The following AGPAT5 variants were observed in gnomAD, a reference collection of about 807,000 sequenced individuals.
AGPAT5 encodes the protein 1-acylglycerol-3-phosphate O-acyltransferase 5.
In AGPAT5, 46 loss-of-function variants were observed where a neutral mutation model predicts 45.6. The observed-to-expected ratio is 1.01, with a 90% CI of 0.80 to 1.29. AGPAT5 has a LOEUF of 1.29. Ranked by LOEUF, AGPAT5 falls within the 50% of genes most tolerant of loss-of-function variation. The pLI, the probability that AGPAT5 is intolerant of heterozygous loss-of-function variation, is 0.00. For synonymous variants in AGPAT5, 272 were observed against 167.0 expected, an observed-to-expected ratio of 1.63 and a Z score of -4.85; for missense variants, 673 against 450.7, an observed-to-expected ratio of 1.49 and a Z score of -4.47.
At chr8:6,717,169 T>C (rs1344421250) in intron 1 of AGPAT5, among the ~76,000 whole-genome samples, 4 of 152,212 alleles carry the variant, frequency 2.6e-5, no homozygotes, top group Admixed American at 6.5e-5. Flanking sequence ...CCAGTACTTT[T>C]TGTAATTTTT....
At position 6,709,047 on chromosome 8, in the gene AGPAT5, T is replaced by C. The variant is rs762378350; in HGVS notation, c.219+160T>C. On this transcript the variant is annotated intron_variant, in intron 1 of 7. Coordinates refer to ENST00000285518, the MANE Select transcript of AGPAT5 (RefSeq NM_018361.5). ...CCCGCCTTCCTCTCCGCATGCTTCC[T>C]GCCGTTCTGCCGAGATCGCTCTCTA... 1.5e-5 allele frequency: 11 copies of C among 757,652 alleles called. 1 individual carries two copies. The highest frequency in any genetic ancestry group is 2.2e-4 in the Middle Eastern group (1 of 4,492). 46.9% of individuals were successfully genotyped at this position (757,652 alleles called of 1,614,324 possible).
At chr8:6,747,223 C>T (rs1362759758) in intron 5 of AGPAT5, among the ~76,000 whole-genome samples, 2 of 152,220 alleles carry the variant, frequency 1.3e-5, no homozygotes. Flanking sequence ...CTGAGTCCTG[C>T]AGCCACACAG....
intron 1 of AGPAT5, among the ~76,000 whole-genome samples, chr8:6,718,230 T>G (rs554580826): frequency 1.3e-5 from 2 of 152,200 alleles, no homozygotes; most frequent in African/African-American, 2.4e-5. Context: ...AGAAAGAACT[T>G]TGTGGCCTTC....
chr8:6,749,526 G>A (rs1801586255), intron 6 of AGPAT5, among the ~76,000 whole-genome samples: 1 of 152,084 alleles, frequency 6.6e-6, no homozygotes, highest in African/African-American at 2.4e-5. Flanking sequence ...CTGCTACCTG[G>A]CCTTCCCTTC....
chr8:6,723,226 G>T (rs2116876040), intron 1 of AGPAT5, among the ~76,000 whole-genome samples: 1 of 152,314 alleles, frequency 6.6e-6, no homozygotes, highest in Middle Eastern at 3.4e-3. Context: ...TCTTGGGGTA[G>T]AAAACTGATC....
At chr8:6,726,475 C>G (rs980844726) in intron 2 of AGPAT5, among the ~76,000 whole-genome samples, 5 of 152,168 alleles carry the variant, frequency 3.3e-5, no homozygotes, top group African/African-American at 1.2e-4. Context: ...ATAGAGCTCT[C>G]TAGTAGTGAC....
rs201844845 is a variant in AGPAT5, at chr8:6,730,674, G to T, written c.290-37G>T. The T allele has an allele frequency of 7.8e-6, 11 of 1,417,254 alleles. No individual in the cohort carries two copies. In the East Asian group the frequency reaches 2.3e-4, roughly 29 times the overall value. The allele number at this position is 1,417,254 out of a possible 1,614,324, so 87.8% of individuals were successfully genotyped here. On this transcript the variant is annotated intron_variant, in intron 2 of 7. Transcript: ENST00000285518. The stretch of plus-strand genomic sequence containing the variant: ...CCATTCATAGTACAACCTGTGAAGA[G>T]CCTCATGTACGCGCTAACTGGGTCC...
At chr8:6,713,074 C>A (rs1002636070) in intron 1 of AGPAT5, among the ~76,000 whole-genome samples, 2 of 152,160 alleles carry the variant, frequency 1.3e-5, no homozygotes, top group Admixed American at 1.3e-4. Context: ...CTCATTGCAG[C>A]CTTGAATGCC....
At chr8:6,739,459 C>T (rs1354042600) in intron 4 of AGPAT5, among the ~76,000 whole-genome samples, 1 of 151,998 alleles carries the variant, frequency 6.6e-6, no homozygotes, top group Non-Finnish European at 1.5e-5. Context: ...TTATTTATCT[C>T]AGTGTGTTTT....
At chr8:6,756,811 T>G (rs958314776) in intron 7 of AGPAT5, among the ~76,000 whole-genome samples, 1 of 152,076 alleles carries the variant, frequency 6.6e-6, no homozygotes, top group African/African-American at 2.4e-5. Context: ...GAATAGGAGC[T>G]CCATGTAAAA....
intron 4 of AGPAT5, among the ~76,000 whole-genome samples, chr8:6,733,236 G>A (rs1011986363): frequency 6.6e-6 from 1 of 152,160 alleles, no homozygotes; most frequent in African/African-American, 2.4e-5. Context: ...CATGATCACC[G>A]GGGCGACTTG....
chr8:6,739,738 C>G (rs575867807), intron 4 of AGPAT5, among the ~76,000 whole-genome samples: 5 of 152,000 alleles, frequency 3.3e-5, no homozygotes, highest in African/African-American at 9.6e-5. Context: ...ATCTTGATGG[C>G]TTTTATTTCT....
intron 1 of AGPAT5, chr8:6,709,103 C>A (rs1205543971): frequency 4.9e-6 from 3 of 611,990 alleles, no homozygotes; most frequent in East Asian, 2.9e-5. Context: ...CCTGAGGCTA[C>A]GAGTGGGACC....
At chr8:6,723,080 G>A (rs1800562062) in intron 1 of AGPAT5, among the ~76,000 whole-genome samples, 1 of 152,132 alleles carries the variant, frequency 6.6e-6, no homozygotes, top group African/African-American at 2.4e-5. Context: ...AAAAGTCACT[G>A]GTGCACTTTA....
At chr8:6,754,590 C>T (rs925687556) in intron 6 of AGPAT5, among the ~76,000 whole-genome samples, 4 of 152,138 alleles carry the variant, frequency 2.6e-5, no homozygotes, top group Non-Finnish European at 4.4e-5. Context: ...GACCAGCTTC[C>T]TCTCGGCCCC....
chr8:6,727,680 C>G (rs1483649854), intron 2 of AGPAT5, among the ~76,000 whole-genome samples: 1 of 152,334 alleles, frequency 6.6e-6, no homozygotes, highest in East Asian at 1.9e-4. Flanking sequence ...TGTGCCCTGC[C>G]TGCTATTTGC....
intron 4 of AGPAT5, among the ~76,000 whole-genome samples, chr8:6,739,418 C>T (rs947154515): frequency 2.0e-5 from 3 of 151,990 alleles, no homozygotes; most frequent in African/African-American, 2.4e-5. Flanking sequence ...GATTCATGAA[C>T]GTAGCCTGCA....
At chr8:6,716,963 T>G (rs1177914818) in intron 1 of AGPAT5, among the ~76,000 whole-genome samples, 1 of 152,202 alleles carries the variant, frequency 6.6e-6, no homozygotes, top group African/African-American at 2.4e-5. Context: ...ATGGCATAAC[T>G]AGTTGATAAG....
chr8:6,737,229 A>C (rs1801084865), intron 4 of AGPAT5, among the ~76,000 whole-genome samples: 1 of 152,166 alleles, frequency 6.6e-6, no homozygotes, highest in South Asian at 2.1e-4. Flanking sequence ...GGTTTCTAAG[A>C]ATCTGGATGG....
Sources: allele counts gnomAD v4.1 joint callset (sites outside exome capture counted in the v4.1 genomes callset), GRCh38; gene constraint gnomAD v4.1.1; transcripts MANE v1.5; gene names NCBI Gene and HGNC (gene_info 2026-07-23, HGNC 2026-07-21).